RGS20: variants seen among roughly 807,000 people sequenced by gnomAD.
RGS20 encodes gz-selective GTPase-activating protein.
In RGS20, 30 loss-of-function variants were observed where a neutral mutation model predicts 33.6. The ratio of observed to expected loss-of-function variants is 0.89; its 90% CI spans 0.67 to 1.21. The LOEUF (loss-of-function observed/expected upper bound fraction) is 1.21, where lower values mean the gene tolerates loss of function less well. RGS20 is among the 50% of genes most tolerant of loss of function. The pLI is 0.00. For synonymous variants in RGS20, 208 were observed against 197.9 expected (o/e 1.05, Z -0.43); for missense variants, 472 against 502.4 (o/e 0.94, Z 0.58).
At chr8:53,873,386 T>A (rs898837189) in intron 1 of RGS20, among the ~76,000 whole-genome samples, 2 of 152,164 alleles carry the variant, frequency 1.3e-5, no homozygotes, top group African/African-American at 4.8e-5. Context: ...AAACAATCAC[T>A]CCCCATTCTC....
At chr8:53,896,271 T>A (rs886250406) in intron 2 of RGS20, among the ~76,000 whole-genome samples, 1 of 152,168 alleles carries the variant, frequency 6.6e-6, no homozygotes, top group African/African-American at 2.4e-5. Context: ...CAGAGTGAGA[T>A]GCTGTCCCCC....
intron 1 of RGS20, among the ~76,000 whole-genome samples, chr8:53,854,053 C>T (rs1490763111): frequency 1.3e-5 from 2 of 152,100 alleles, no homozygotes; most frequent in African/African-American, 4.8e-5. Flanking sequence ...TCAACCTAAG[C>T]TTTGCAGTTC....
chr8:53,856,637 A>C (rs1811676714), intron 1 of RGS20, among the ~76,000 whole-genome samples: 1 of 152,236 alleles, frequency 6.6e-6, no homozygotes, highest in South Asian at 2.1e-4. Context: ...TGAGGAAGAG[A>C]AAGCATTACA....
rs572073551 is a variant in RGS20, at chr8:53,906,144, G to A, written c.510+26542G>A. On this transcript the variant is annotated intron_variant, in intron 2 of 5. Transcript: ENST00000297313. ...CAAAAAACTCACTCAGGCCAGGCGC[G>A]GTGGTTCATGCTTGTAATCCCAGCA... Among the ~76,000 whole-genome samples the A allele has an allele frequency of 3.3e-5, 5 of 152,244 alleles. No individual in the cohort carries two copies. The East Asian group carries it at 7.7e-4, about 24-fold the overall frequency.
At chr8:53,922,536 TTTC>T (rs770319234) in intron 2 of RGS20, among the ~76,000 whole-genome samples, 84 of 152,304 alleles carry the variant, frequency 5.5e-4, no homozygotes, top group Admixed American at 9.2e-4. Flanking sequence ...CCTTTGTGTT[TTTC>T]TTTTCACTTT....
At position 53,871,884 on chromosome 8, in the gene RGS20, A is replaced by G. The variant is rs1027721996; in HGVS notation, c.166-7374A>G. 2.0e-5 allele frequency among the ~76,000 whole-genome samples: 3 copies of G among 152,136 alleles called. No individual in the cohort carries two copies. The South Asian group carries it at 6.2e-4, about 32-fold the overall frequency. ...GATCCTATCCAATTCCAGTAGCTTT[A>G]AATACCTTTGTATGCTAGTGCTTCC... On this transcript the variant is annotated intron_variant, in intron 1 of 5. Transcript: ENST00000297313.
At chr8:53,879,690 C>G in intron 2 of RGS20, 1 of 1,134,164 alleles carries the variant, frequency 8.8e-7, no homozygotes, top group Non-Finnish European at 1.2e-6. Context: ...AACTGACCCG[C>G]TCCGCTGGGG....
At chr8:53,951,833 A>G (rs1167644910) in intron 4 of RGS20, among the ~76,000 whole-genome samples, 1 of 151,980 alleles carries the variant, frequency 6.6e-6, no homozygotes, top group Non-Finnish European at 1.5e-5. Context: ...CCTGGCCAAC[A>G]TGGTGAAACT....
chr8:53,860,625 C>T (rs1811788952), intron 1 of RGS20, among the ~76,000 whole-genome samples: 1 of 152,134 alleles, frequency 6.6e-6, no homozygotes, highest in South Asian at 2.1e-4. Context: ...TTCCAAATTC[C>T]CAGGAGAGAG....
chr8:53,900,134 A>G (rs187353531), intron 2 of RGS20, among the ~76,000 whole-genome samples: 1 of 152,260 alleles, frequency 6.6e-6, no homozygotes, highest in Admixed American at 6.5e-5. Context: ...TCCCTGCTGA[A>G]TATAGACACA....
chr8:53,894,050 G>C (rs1585895208), intron 2 of RGS20, among the ~76,000 whole-genome samples: 1 of 152,162 alleles, frequency 6.6e-6, no homozygotes, highest in African/African-American at 2.4e-5. Context: ...TATCAAGTCT[G>C]GTCTGATAAT....
chr8:53,950,817 G>GT (rs1446863783), intron 4 of RGS20, among the ~76,000 whole-genome samples: 1 of 151,968 alleles, frequency 6.6e-6, no homozygotes, highest in Non-Finnish European at 1.5e-5. Context: ...GTTTCACCAT[G>GT]TTGCCCAGGT....
intron 2 of RGS20, among the ~76,000 whole-genome samples, chr8:53,900,580 C>T (rs1488463679): frequency 6.6e-6 from 1 of 152,104 alleles, no homozygotes; most frequent in Non-Finnish European, 1.5e-5. Flanking sequence ...AGAAATAAGG[C>T]ACCAGAGTAG....
At chr8:53,925,731 G>C (rs1311172503) in intron 2 of RGS20, among the ~76,000 whole-genome samples, 1 of 151,590 alleles carries the variant, frequency 6.6e-6, no homozygotes, top group East Asian at 1.9e-4. Flanking sequence ...GCGAAACTCA[G>C]TCTCAAAAAA....
At chr8:53,948,330 TAA>T (rs199773596) in intron 4 of RGS20, among the ~76,000 whole-genome samples, 2,911 of 139,198 alleles carry the variant, frequency 0.021, 82 homozygotes, top group African/African-American at 0.06. Flanking sequence ...ATGCTATATA[TAA>T]GACAGTATAT....
At position 53,866,505 on chromosome 8, in the gene RGS20, T is replaced by C. The variant is rs1353433414; in HGVS notation, c.166-12753T>C. On this transcript the variant is annotated intron_variant, in intron 1 of 5. Coordinates refer to ENST00000297313, the MANE Select transcript of RGS20 (RefSeq NM_170587.4). ...AATTCTCCTGCCTCAGCCTCCCAAG[T>C]AGCTGGGATTACAGGAGGCACCCAC... 3.3e-5 allele frequency among the ~76,000 whole-genome samples: 5 copies of C among 152,006 alleles called. No homozygotes were observed. The East Asian group carries it at 5.8e-4, about 18-fold the overall frequency.
At chr8:53,854,964 G>A (rs570013455) in intron 1 of RGS20, among the ~76,000 whole-genome samples, 28 of 152,268 alleles carry the variant, frequency 1.8e-4, no homozygotes, top group African/African-American at 6.5e-4. Flanking sequence ...ACTAATACAC[G>A]AAACAACTTG....
Position 53,949,988 on chromosome 8 carries a change from C to T in RGS20, c.743+3240C>T, listed in dbSNP as rs1242797304. 5.9e-5 allele frequency among the ~76,000 whole-genome samples: 9 copies of T among 151,774 alleles called. No homozygotes were observed. The East Asian group carries it at 1.6e-3, about 27-fold the overall frequency. ...CCAAGTAACTGGGATTACAGGCGCC[C>T]ACCACCATGCCCAGCTAATTTTTGT... On this transcript the variant is annotated intron_variant, in intron 4 of 5. Coordinates refer to ENST00000297313, the MANE Select transcript of RGS20 (RefSeq NM_170587.4).
rs189255131 is a variant in RGS20 at position 53,853,754 on chromosome 8, T to C, written c.165+1690T>C. Among the ~76,000 whole-genome samples, 13 of 152,308 alleles carry C rather than the reference T, an allele frequency of 8.5e-5. No homozygotes were observed. The East Asian group carries it at 2.3e-3, about 27-fold the overall frequency. ...TGCTCCCTCCTTTCTAGAGACTTAC[T>C]GTGTATTGAGAAAGACAAACATATA... is the stretch of plus-strand genomic sequence containing the variant. On this transcript the variant is annotated intron_variant, in intron 1 of 5. Transcript: ENST00000297313.
Sources: allele counts gnomAD v4.1 joint callset (sites outside exome capture counted in the v4.1 genomes callset), GRCh38; gene constraint gnomAD v4.1.1; transcripts MANE v1.5; gene names NCBI Gene and HGNC (gene_info 2026-07-23, HGNC 2026-07-21).